The following PIGU variants were observed in gnomAD, a reference collection of about 807,000 sequenced individuals.
PIGU encodes phosphatidylinositol glycan anchor biosynthesis class U, also known as GPI-anchor transamidase component PIGU.
Under a neutral mutation model 49.9 loss-of-function variants are expected in PIGU, and 24 were observed. The ratio of observed to expected loss-of-function variants is 0.48; its 90% CI spans 0.35 to 0.68. PIGU has a LOEUF of 0.68. Ranked by LOEUF, PIGU falls within the 30% of genes least tolerant of loss-of-function variation. PIGU has a pLI of 0.01. For synonymous variants in PIGU, 220 were observed against 205.7 expected, an observed-to-expected ratio of 1.07 and a Z score of -0.59; for missense variants, 490 against 532.6, an observed-to-expected ratio of 0.92 and a Z score of 0.79.
chr20:34,607,359 C>A (rs928420161), intron 7 of PIGU, among the ~76,000 whole-genome samples: 8 of 152,156 alleles, frequency 5.3e-5, no homozygotes, highest in Non-Finnish European at 8.8e-5. Context: ...CCCCAGGCTC[C>A]ACTGGCAGTG....
intron 10 of PIGU, among the ~76,000 whole-genome samples, chr20:34,580,020 T>C (rs1449237292): frequency 1.3e-5 from 2 of 152,224 alleles, no homozygotes; most frequent in Non-Finnish European, 2.9e-5. Flanking sequence ...GGTTAAATGA[T>C]GTGCCTAAGA....
chr20:34,662,135 T>A (rs1317338182), intron 1 of PIGU, among the ~76,000 whole-genome samples: 2 of 152,172 alleles, frequency 1.3e-5, no homozygotes, highest in Non-Finnish European at 2.9e-5. Context: ...TACAGTGGCA[T>A]GATCAGGGCT....
At chr20:34,612,632 T>A (rs1354140131) in intron 7 of PIGU, among the ~76,000 whole-genome samples, 3 of 151,522 alleles carry the variant, frequency 2.0e-5, no homozygotes, top group African/African-American at 7.3e-5. Context: ...TTTTTTTTTT[T>A]TCTTTTTTTG....
At chr20:34,569,871 C>T (rs1485972123) in intron 11 of PIGU, among the ~76,000 whole-genome samples, 2 of 152,146 alleles carry the variant, frequency 1.3e-5, no homozygotes, top group Admixed American at 6.5e-5. Context: ...ACCCAGGGCT[C>T]GCCCTAATGG....
intron 1 of PIGU, among the ~76,000 whole-genome samples, chr20:34,666,687 C>CT (rs918644106): frequency 0.012 from 1,112 of 90,612 alleles, 48 homozygotes; most frequent in Non-Finnish European, 0.016. Flanking sequence ...CTGACTAATT[C>CT]TTTTTTTTTT....
intron 5 of PIGU, among the ~76,000 whole-genome samples, chr20:34,636,926 AC>A (rs1170674463): frequency 7.2e-5 from 11 of 152,198 alleles, no homozygotes; most frequent in Admixed American, 5.2e-4. Context: ...TTACAAAGCT[AC>A]CCCCAGGACA....
chr20:34,617,328 G>A (rs1985051982), intron 6 of PIGU, among the ~76,000 whole-genome samples: 1 of 152,204 alleles, frequency 6.6e-6, no homozygotes, highest in African/African-American at 2.4e-5. Flanking sequence ...AAGCAGCTGA[G>A]AGGGAGGCTA....
At chr20:34,675,326 A>C (rs1987466915) in intron 1 of PIGU, among the ~76,000 whole-genome samples, 1 of 151,932 alleles carries the variant, frequency 6.6e-6, no homozygotes, top group Non-Finnish European at 1.5e-5. Context: ...TGAGATAAGA[A>C]ATGCTCTTAG....
At chr20:34,581,420 C>T in intron 10 of PIGU, 128 bp downstream of exon 10, 1 of 1,306,296 alleles carries the variant, frequency 7.7e-7, no homozygotes. Context: ...TGCTTCATGC[C>T]TCTGCTCCCC....
intron 10 of PIGU, among the ~76,000 whole-genome samples, chr20:34,576,060 C>T (rs978475747): frequency 6.6e-6 from 1 of 152,094 alleles, no homozygotes; most frequent in African/African-American, 2.4e-5. Flanking sequence ...TGAGGCTACA[C>T]ACCTAGTATG....
At chr20:34,591,021 G>A (rs988262300) in intron 7 of PIGU, among the ~76,000 whole-genome samples, 14 of 43,056 alleles carry the variant, frequency 3.3e-4, no homozygotes, top group Admixed American at 1.3e-3. Context: ...ACTCCGTCTC[G>A]AAAAAAAGAG....
chr20:34,640,379 A>G (rs1337404161), intron 4 of PIGU, among the ~76,000 whole-genome samples: 6 of 152,124 alleles, frequency 3.9e-5, no homozygotes, highest in African/African-American at 9.7e-5. Context: ...TAGGCCCAAT[A>G]TCAGCTCTCC....
At chr20:34,640,507 AC>A (rs1182127609) in intron 4 of PIGU, among the ~76,000 whole-genome samples, 12 of 104,148 alleles carry the variant, frequency 1.2e-4, no homozygotes, top group Non-Finnish European at 2.7e-4. Context: ...GCGCACACAC[AC>A]ACACACACAC....
intron 7 of PIGU, among the ~76,000 whole-genome samples, chr20:34,600,221 A>G (rs1984363225): frequency 6.6e-6 from 1 of 152,166 alleles, no homozygotes; most frequent in Non-Finnish European, 1.5e-5. Flanking sequence ...AACCTAGCCA[A>G]CATGGCGAAA....
intron 4 of PIGU, 83 bp from the exon 5 acceptor site, chr20:34,638,068 T>C: frequency 1.3e-6 from 2 of 1,483,010 alleles, no homozygotes; most frequent in Non-Finnish European, 1.8e-6. Context: ...CAAAAGTCCT[T>C]TCCATGGCCC....
chr20:34,641,811 T>A (rs1282024338), intron 4 of PIGU, among the ~76,000 whole-genome samples: 1 of 152,192 alleles, frequency 6.6e-6, no homozygotes, highest in Non-Finnish European at 1.5e-5. Flanking sequence ...TATGTTAGTA[T>A]CATCAAAATC....
rs759103027 is a variant in PIGU, at chr20:34,655,968, C to CTTT, written c.195+1209_195+1211dup. ...CCTAATTAAGAGTGTTTTCACTATT[C>CTTT]TTTTTTTTTTTTTTTTTTTTTTTGA... On this transcript the variant is annotated intron_variant, in intron 2 of 11. Coordinates refer to ENST00000217446, the MANE Select transcript of PIGU (RefSeq NM_080476.5). 1.3e-3 allele frequency among the ~76,000 whole-genome samples: 99 copies of CTTT among 76,768 alleles called. 1 individual carries two copies. The highest frequency in any genetic ancestry group is 1.5e-3 in the Non-Finnish European group (60 of 39,766). 50.4% of individuals were successfully genotyped at this position (76,768 alleles called of 152,430 possible). A position where few individuals can be genotyped will look rare whatever the true frequency, so the allele number is the denominator to read the frequency against.
intron 11 of PIGU, chr20:34,562,448 C>G: frequency 7.8e-7 from 1 of 1,288,774 alleles, no homozygotes; most frequent in Non-Finnish European, 1.0e-6. Context: ...GAAGGTAACA[C>G]AACAGCAGCT....
At chr20:34,573,713 T>C (rs1983107114) in intron 11 of PIGU, among the ~76,000 whole-genome samples, 1 of 152,212 alleles carries the variant, frequency 6.6e-6, no homozygotes, top group South Asian at 2.1e-4. Flanking sequence ...TCCTTCAGGA[T>C]ATGCAATTGA....
Sources: gnomAD v4.1 joint callset for allele counts (sites outside exome capture counted in the v4.1 genomes callset) on GRCh38, gnomAD v4.1.1 for gene constraint, MANE v1.5 for transcripts, NCBI Gene and HGNC (gene_info 2026-07-23, HGNC 2026-07-21) for gene names.